LIMA1: variants seen among roughly 807,000 people sequenced by gnomAD.
LIMA1 encodes the protein LIM domain and actin-binding protein 1.
LIMA1 carries 52 observed loss-of-function variants against 62.6 expected under a neutral mutation model. That is an observed-to-expected ratio of 0.83 (90% confidence interval 0.67 to 1.05). The LOEUF (loss-of-function observed/expected upper bound fraction) is 1.05. LIMA1 is among the 50% of genes least tolerant of loss of function. The pLI is 0.00. For synonymous variants in LIMA1, 302 were observed against 317.8 expected, an observed-to-expected ratio of 0.95 and a Z score of 0.53; for missense variants, 780 against 902.2, an observed-to-expected ratio of 0.86 and a Z score of 1.74.
Position 50,177,855 on chromosome 12 carries a change from G to A in LIMA1, c.1489C>T (p.Pro497Ser). Residue 497 changes from proline to serine, a missense_variant, in exon 11 of 11, where the codon CCT becomes TCT. Pro to Ser is a moderately conservative substitution (Grantham distance 74, BLOSUM62 -1). Transcript: ENST00000341247. Reference sequence around the variant, plus strand: ...GCCAGGACACCCACCTTAGCAATAGGGGCATCTTCTACCCCTGGGCTGTGA... The same window carrying A: ...GCCAGGACACCCACCTTAGCAATAGAGGCATCTTCTACCCCTGGGCTGTGA... ...TPHSPGVEDAPIAKVGVLAAS... is the reference protein window; with the variant it reads ...TPHSPGVEDASIAKVGVLAAS... The A allele has an allele frequency of 6.2e-7, 1 of 1,613,084 alleles. No homozygotes were observed.
At chr12:50,212,135 T>A (rs1941268432) in intron 4 of LIMA1, among the ~76,000 whole-genome samples, 2 of 152,238 alleles carry the variant, frequency 1.3e-5, no homozygotes, top group Admixed American at 6.5e-5. Flanking sequence ...CTGTATTTTT[T>A]AAAACAGAAA....
At chr12:50,233,640 C>T (rs1941645710) in intron 2 of LIMA1, among the ~76,000 whole-genome samples, 1 of 152,194 alleles carries the variant, frequency 6.6e-6, no homozygotes, top group Non-Finnish European at 1.5e-5. Flanking sequence ...TCTCCTACCC[C>T]AGCCTCTCAA....
intron 4 of LIMA1, among the ~76,000 whole-genome samples, chr12:50,221,491 A>G (rs193178992): frequency 6.6e-6 from 1 of 152,348 alleles, no homozygotes; most frequent in African/African-American, 2.4e-5. Context: ...TAGTCTGGCT[A>G]TCTTCATTGA....
At chr12:50,278,807 G>C (rs572624375) in intron 1 of LIMA1, among the ~76,000 whole-genome samples, 1 of 151,994 alleles carries the variant, frequency 6.6e-6, no homozygotes, top group East Asian at 1.9e-4. Context: ...AGCAAAAAAA[G>C]CAGACACAAA....
At chr12:50,235,445 T>C (rs1352970999) in intron 2 of LIMA1, among the ~76,000 whole-genome samples, 1 of 151,970 alleles carries the variant, frequency 6.6e-6, no homozygotes. Flanking sequence ...TTTGTTTTTT[T>C]ACTAGAGACG....
At chr12:50,205,892 T>C (rs1459765593) in intron 5 of LIMA1, 92 bp downstream of exon 5, 4 of 819,976 alleles carry the variant, frequency 4.9e-6, no homozygotes, top group Non-Finnish European at 7.6e-6. Flanking sequence ...TGTGCCACTC[T>C]TCCTTTAAAA....
chr12:50,258,169 T>A (rs1307797248), intron 1 of LIMA1, among the ~76,000 whole-genome samples: 2 of 152,188 alleles, frequency 1.3e-5, no homozygotes, highest in Non-Finnish European at 2.9e-5. Flanking sequence ...TTTTCTTTTA[T>A]GGGAGAAGTT....
chr12:50,270,502 G>T (rs1245087707), intron 1 of LIMA1, among the ~76,000 whole-genome samples: 1 of 151,372 alleles, frequency 6.6e-6, no homozygotes, highest in Non-Finnish European at 1.5e-5. Flanking sequence ...CTACTCAGAA[G>T]GCTGAGGTGG....
At chr12:50,209,302 G>C (rs1375784436) in intron 4 of LIMA1, among the ~76,000 whole-genome samples, 1 of 150,470 alleles carries the variant, frequency 6.6e-6, no homozygotes, top group Non-Finnish European at 1.5e-5. Flanking sequence ...GGGTGCGGTG[G>C]CTCACACCTG....
At chr12:50,280,240 C>T (rs1370825068) in intron 1 of LIMA1, among the ~76,000 whole-genome samples, 3 of 147,686 alleles carry the variant, frequency 2.0e-5, no homozygotes, top group Non-Finnish European at 3.0e-5. Flanking sequence ...CTGCAAGCTC[C>T]GCCTCCCGGG....
intron 1 of LIMA1, among the ~76,000 whole-genome samples, chr12:50,263,815 C>A (rs201467760): frequency 3.5e-3 from 335 of 95,614 alleles, no homozygotes; most frequent in Non-Finnish European, 4.5e-3. Flanking sequence ...GTGTGTGTGT[C>A]TATATATATA....
At chr12:50,225,713 G>A (rs1043242829) in intron 3 of LIMA1, among the ~76,000 whole-genome samples, 6 of 151,924 alleles carry the variant, frequency 3.9e-5, no homozygotes, top group South Asian at 4.1e-4. Flanking sequence ...CTACCATGCC[G>A]GCTAATTTTA....
chr12:50,212,161 T>G (rs1206873535), intron 4 of LIMA1, among the ~76,000 whole-genome samples: 1 of 152,200 alleles, frequency 6.6e-6, no homozygotes, highest in Non-Finnish European at 1.5e-5. Flanking sequence ...TAAGTTAGGT[T>G]CTAAATAAGT....
At chr12:50,218,908 A>G (rs1055456883) in intron 4 of LIMA1, among the ~76,000 whole-genome samples, 5 of 147,918 alleles carry the variant, frequency 3.4e-5, no homozygotes, top group African/African-American at 1.3e-4. Context: ...AAAAAAAAAA[A>G]ACAAAAACAA....
chr12:50,194,307 T>G (rs1322669660), intron 8 of LIMA1, among the ~76,000 whole-genome samples: 1 of 132,380 alleles, frequency 7.6e-6, no homozygotes, highest in East Asian at 2.3e-4. Flanking sequence ...ATATATATAT[T>G]TTGTTTTGAG....
At chr12:50,231,148 C>T (rs915393990) in intron 3 of LIMA1, among the ~76,000 whole-genome samples, 3 of 152,102 alleles carry the variant, frequency 2.0e-5, no homozygotes, top group Non-Finnish European at 4.4e-5. Flanking sequence ...TTAGCAAGCA[C>T]GGAGACTAGA....
At position 50,252,470 on chromosome 12, in the gene LIMA1, G is replaced by T. The variant is rs1176749247; in HGVS notation, c.-23-3696C>A. Reference sequence around the variant, plus strand: ...GTGGCACGCGCCTGTAATCCCAGCTGCTCGGAAGGCTGAGGCAAGAGACTC... The same window carrying T: ...GTGGCACGCGCCTGTAATCCCAGCTTCTCGGAAGGCTGAGGCAAGAGACTC... On this transcript the variant is annotated intron_variant, in intron 1 of 10. Transcript: ENST00000341247. Among the ~76,000 whole-genome samples the T allele has an allele frequency of 2.0e-5, 3 of 151,352 alleles. No individual in the cohort carries two copies. In the East Asian group the frequency reaches 5.8e-4, roughly 29 times the overall value.
rs2138358490 is a variant in LIMA1 at position 50,176,098 on chromosome 12, G to C, written c.*966C>G. 1 of 152,166 alleles carries C rather than the reference G, an allele frequency of 6.6e-6. No homozygotes were observed. Among genetic ancestry groups the C allele is most frequent in the Middle Eastern group, 3.4e-3 (1 of 294 alleles). 9.4% of individuals were successfully genotyped at this position (152,166 alleles called of 1,614,324 possible). ...CTGTGATAAAAATCAATATATTTCA[G>C]AGCTAGTAAGTATTTAAAAATTAGT... On this transcript the variant is annotated 3_prime_UTR_variant, in exon 11 of 11. Coordinates refer to ENST00000341247, the MANE Select transcript of LIMA1 (RefSeq NM_016357.5).
At chr12:50,234,812 G>A (rs1322554902) in intron 2 of LIMA1, among the ~76,000 whole-genome samples, 4 of 152,040 alleles carry the variant, frequency 2.6e-5, no homozygotes, top group Admixed American at 6.6e-5. Context: ...CCAGGAGTTC[G>A]AGACCAGACT....
Sources: gnomAD v4.1 joint callset for allele counts (sites outside exome capture counted in the v4.1 genomes callset) on GRCh38, gnomAD v4.1.1 for gene constraint, MANE v1.5 for transcripts, NCBI Gene and HGNC (gene_info 2026-07-23, HGNC 2026-07-21) for gene names.